The following ZCCHC10 variants were observed in gnomAD, a reference collection of about 807,000 sequenced individuals.
ZCCHC10 encodes the protein zinc finger CCHC-type containing 10, also known as zinc finger CCHC domain-containing protein 10.
In ZCCHC10, 16 loss-of-function variants were observed where a neutral mutation model predicts 19.5. The observed-to-expected ratio is 0.82, with a 90% confidence interval of 0.56 to 1.25. ZCCHC10 has a LOEUF of 1.25. ZCCHC10 is among the 50% of genes most tolerant of loss of function. The probability of loss-of-function intolerance (pLI) is 0.00; values close to 1 mark genes in which losing one functional copy is unlikely to be tolerated. For synonymous variants in ZCCHC10, 67 were observed against 72.5 expected (o/e 0.92, Z 0.38); for missense variants, 197 against 201.0 (o/e 0.98, Z 0.12).
At chr5:133,003,956 C>T (rs1442286304) in intron 3 of ZCCHC10, among the ~76,000 whole-genome samples, 2 of 151,328 alleles carry the variant, frequency 1.3e-5, no homozygotes, top group African/African-American at 2.4e-5. Flanking sequence ...GTGATCCACC[C>T]ACCTCGGCCT....
chr5:133,019,871 G>A (rs977638160), intron 2 of ZCCHC10, among the ~76,000 whole-genome samples: 1 of 149,778 alleles, frequency 6.7e-6, no homozygotes, highest in South Asian at 2.1e-4. Context: ...AGAATTGCTT[G>A]AATCCCAGAG....
intron 2 of ZCCHC10, among the ~76,000 whole-genome samples, chr5:133,021,799 C>T (rs1581432953): frequency 6.8e-6 from 1 of 147,632 alleles, no homozygotes; most frequent in Non-Finnish European, 1.5e-5. Context: ...TACTTTATAA[C>T]TTTTTTTTTT....
intron 2 of ZCCHC10, among the ~76,000 whole-genome samples, chr5:133,022,197 T>C (rs1764358935): frequency 6.6e-6 from 1 of 152,210 alleles, no homozygotes; most frequent in Non-Finnish European, 1.5e-5. Context: ...TCTTTCTTTA[T>C]ATCTTCATTC....
intron 2 of ZCCHC10, 92 bp from the exon 3 acceptor site, chr5:133,007,012 GT>G: frequency 8.1e-7 from 1 of 1,237,568 alleles, no homozygotes; most frequent in Non-Finnish European, 1.1e-6. Context: ...ATAAAATTAT[GT>G]TTACTCTTAT....
chr5:133,005,220 T>C (rs979558724), intron 3 of ZCCHC10, among the ~76,000 whole-genome samples: 1 of 151,730 alleles, frequency 6.6e-6, no homozygotes, highest in Non-Finnish European at 1.5e-5. Flanking sequence ...CACATGAACC[T>C]GGGAAGCAGA....
chr5:133,020,788 T>C (rs1055045753), intron 2 of ZCCHC10, among the ~76,000 whole-genome samples: 1 of 152,108 alleles, frequency 6.6e-6, no homozygotes, highest in Non-Finnish European at 1.5e-5. Context: ...TGGTGCAATA[T>C]TGGCTCACTG....
chr5:133,012,615 T>C (rs1763630580), intron 2 of ZCCHC10, among the ~76,000 whole-genome samples: 1 of 150,104 alleles, frequency 6.7e-6, no homozygotes, highest in Non-Finnish European at 1.5e-5. Context: ...GAAAAGATAG[T>C]ACAAAAATGG....
In ZCCHC10 at chr5:133,003,308, G is replaced by A. The variant is rs1762893994; in HGVS notation, c.270-3135C>T. On this transcript the variant is annotated intron_variant, in intron 3 of 4. Transcript: ENST00000509437. ...AACTGGGTCCCAATGATCAATACAA[G>A]TTCTACTCAGTGAATGTGGATTACA... The A allele has an allele frequency of 6.8e-6, 3 of 443,044 alleles. No homozygotes were observed. The Admixed American group carries it at 7.1e-5, about 11-fold the overall frequency. 27.4% of individuals were successfully genotyped at this position (443,044 alleles called of 1,614,324 possible). A position where few individuals can be genotyped will look rare whatever the true frequency, so the allele number is the denominator to read the frequency against.
intron 3 of ZCCHC10, among the ~76,000 whole-genome samples, chr5:133,004,614 G>A (rs1455308002): frequency 6.6e-6 from 1 of 152,000 alleles, no homozygotes; most frequent in African/African-American, 2.4e-5. Context: ...TCAGCCTCCC[G>A]AATAGCTGGG....
intron 2 of ZCCHC10, among the ~76,000 whole-genome samples, chr5:133,020,335 T>C (rs986214748): frequency 6.6e-6 from 1 of 151,902 alleles, no homozygotes; most frequent in African/African-American, 2.4e-5. Flanking sequence ...TCCCAGCTAC[T>C]TGGGAGGCTG....
chr5:133,001,273 C>A (rs1762753620), intron 3 of ZCCHC10, among the ~76,000 whole-genome samples: 1 of 151,676 alleles, frequency 6.6e-6, no homozygotes, highest in Non-Finnish European at 1.5e-5. Context: ...TGCCTGTACT[C>A]CCAGCTACCC....
chr5:133,000,357 G>C (rs949150616), intron 3 of ZCCHC10, among the ~76,000 whole-genome samples, 184 bp from the exon 4 acceptor site: 1 of 152,084 alleles, frequency 6.6e-6, no homozygotes, highest in Non-Finnish European at 1.5e-5. Context: ...GGCTGTATAC[G>C]GTACATGCAG....
chr5:132,999,144 C>T (rs1373298118), intron 4 of ZCCHC10, among the ~76,000 whole-genome samples: 2 of 152,028 alleles, frequency 1.3e-5, no homozygotes, highest in Non-Finnish European at 2.9e-5. Context: ...AGGCTGGTCT[C>T]GAACTCCTGA....
chr5:133,019,650 A>G (rs1189982176), intron 2 of ZCCHC10, among the ~76,000 whole-genome samples: 2 of 152,140 alleles, frequency 1.3e-5, no homozygotes, highest in African/African-American at 2.4e-5. Context: ...ATATGCAACA[A>G]AAAAATTTTA....
intron 3 of ZCCHC10, among the ~76,000 whole-genome samples, 160 bp downstream of exon 3, chr5:133,006,599 T>C (rs936572891): frequency 6.7e-6 from 1 of 148,620 alleles, no homozygotes; most frequent in Non-Finnish European, 1.5e-5. Flanking sequence ...CTAATACTTA[T>C]AAAGACCCTA....
chr5:133,019,013 C>G (rs780238474), intron 2 of ZCCHC10: 8 of 436,804 alleles, frequency 1.8e-5, no homozygotes, highest in Non-Finnish European at 3.6e-5. Flanking sequence ...GGACCCTAGT[C>G]ATTAAAAATA....
Position 133,022,888 on chromosome 5 carries a change from C to T in ZCCHC10, c.60G>A (p.Gln20=). The change falls in exon 2 of 5, where the codon CAG becomes CAA. Residue 20 remains glutamine, a synonymous_variant. Coordinates refer to ENST00000509437, the MANE Select transcript of ZCCHC10 (RefSeq NM_001300816.3). Reference sequence around the variant, plus strand: ...TCAGGATCCAAAAGGTCTTGACAGGCTGCAACTCTGTGTCGAATCTAACAA... The same window carrying T: ...TCAGGATCCAAAAGGTCTTGACAGGTTGCAACTCTGTGTCGAATCTAACAA... The part of the protein sequence containing the change: ...ARRQAFDTEL[Q]PVKTFWILIQ... 1.6e-6 allele frequency: 1 copy of T among 608,544 alleles called. No individual in the cohort carries two copies. Among genetic ancestry groups the T allele is most frequent in the East Asian group, 3.1e-5 (1 of 32,102 alleles). The allele number at this position is 608,544 out of a possible 1,614,324, so 37.7% of individuals were successfully genotyped here.
chr5:133,009,613 C>CAAAAAAA (rs59555378), intron 2 of ZCCHC10, among the ~76,000 whole-genome samples: 5,418 of 55,170 alleles, frequency 0.098, 367 homozygotes, highest in African/African-American at 0.13. Flanking sequence ...GACTCCGTCT[C>CAAAAAAA]AAAAAAAAAA....
chr5:133,001,468 T>A (rs1262072376), intron 3 of ZCCHC10, among the ~76,000 whole-genome samples: 1 of 152,082 alleles, frequency 6.6e-6, no homozygotes, highest in African/African-American at 2.4e-5. Context: ...AATTTAACTT[T>A]TTTTTTTCTT....
Sources: allele counts gnomAD v4.1 joint callset (sites outside exome capture counted in the v4.1 genomes callset), GRCh38; gene constraint gnomAD v4.1.1; transcripts MANE v1.5; gene names NCBI Gene and HGNC (gene_info 2026-07-23, HGNC 2026-07-21).